WDFY4: variants seen among roughly 807,000 people sequenced by gnomAD.
WDFY4 encodes the protein WDFY family member 4.
In WDFY4, 169 loss-of-function variants were observed where a neutral mutation model predicts 351.9. That is an observed-to-expected ratio of 0.48 (90% CI 0.42 to 0.55). WDFY4 has a LOEUF of 0.55. Ranked by LOEUF, WDFY4 falls within the 20% of genes least tolerant of loss-of-function variation. The pLI is 0.00. For missense variants in WDFY4, 3,803 were observed against 3,935.6 expected (o/e 0.97, Z 0.90); for synonymous variants, 1,622 against 1,574.6 (o/e 1.03, Z -0.71).
At chr10:48,955,190 C>G (rs529521110) in intron 51 of WDFY4, among the ~76,000 whole-genome samples, 3 of 152,320 alleles carry the variant, frequency 2.0e-5, no homozygotes, top group African/African-American at 7.2e-5. Flanking sequence ...TTCGACACCC[C>G]ACCCCCATTT....
chr10:48,767,046 A>G (rs2065694177), intron 13 of WDFY4, among the ~76,000 whole-genome samples: 1 of 152,234 alleles, frequency 6.6e-6, no homozygotes, highest in African/African-American at 2.4e-5. Context: ...CCATCAATTT[A>G]TGACCCATAT....
At chr10:48,863,155 TA>T (rs2069404086) in intron 39 of WDFY4, among the ~76,000 whole-genome samples, 1 of 152,246 alleles carries the variant, frequency 6.6e-6, no homozygotes, top group Non-Finnish European at 1.5e-5. Context: ...AATATTGCTA[TA>T]AACATTCATG....
In WDFY4 at chr10:48,934,267, A is replaced by G. The variant is rs541506763; in HGVS notation, c.7587-7539A>G. On this transcript the variant is annotated intron_variant, in intron 47 of 61. Coordinates refer to ENST00000325239, the MANE Select transcript of WDFY4 (RefSeq NM_001394531.1). ...GCCCGACCCTTTGCAAAGCAAAGAC[A>G]CTACCTACTTTTTAGCACATTAAAA... is the stretch of plus-strand genomic sequence containing the variant. Among the ~76,000 whole-genome samples the G allele has an allele frequency of 4.6e-5, 7 of 152,318 alleles. No individual in the cohort carries two copies. In the East Asian group the frequency reaches 1.4e-3, roughly 29 times the overall value.
intron 39 of WDFY4, among the ~76,000 whole-genome samples, chr10:48,842,685 G>C (rs534883751): frequency 1.3e-5 from 2 of 152,308 alleles, no homozygotes; most frequent in South Asian, 4.1e-4. Flanking sequence ...CAGAAATGTT[G>C]GTTCTTGTTC....
chr10:48,747,450 T>C (rs976456430), intron 12 of WDFY4, among the ~76,000 whole-genome samples: 12 of 152,168 alleles, frequency 7.9e-5, no homozygotes, highest in African/African-American at 2.9e-4. Flanking sequence ...CCTTTTCCTA[T>C]TATGCCTTTT....
chr10:48,817,873 C>G (rs538158191), intron 32 of WDFY4, among the ~76,000 whole-genome samples: 1 of 152,288 alleles, frequency 6.6e-6, no homozygotes, highest in South Asian at 2.1e-4. Context: ...TTGCAGAGGC[C>G]CAGCTTAGAG....
At chr10:48,934,681 C>G (rs988130992) in intron 47 of WDFY4, among the ~76,000 whole-genome samples, 1 of 152,240 alleles carries the variant, frequency 6.6e-6, no homozygotes, top group Non-Finnish European at 1.5e-5. Flanking sequence ...AACCCCATTA[C>G]AGTAAGCGGT....
At chr10:48,777,182 C>T (rs539441130) in intron 16 of WDFY4, among the ~76,000 whole-genome samples, 198 bp downstream of exon 16, 9 of 152,212 alleles carry the variant, frequency 5.9e-5, no homozygotes, top group Non-Finnish European at 1.2e-4. Flanking sequence ...CCAAGACCCT[C>T]TTTTCCCTGG....
In WDFY4 at chr10:48,788,554, C is replaced by T. The variant is rs371790004; in HGVS notation, c.3833C>T (p.Thr1278Met). ...GGGGAGGACCTGGACAGTGAAGCCA[C>T]GCCCTTTGTTGCAGAAGAAAGAGTT... ...VQGEDLDSEA[T>M]PFVAEERVSF... Residue 1278 changes from threonine (T) to methionine (M), a missense_variant, in exon 21 of 62, where the codon ACG (threonine) becomes ATG (methionine). By Grantham distance (81) the Thr-to-Met change is moderately conservative. Transcript: ENST00000325239. 28 of 1,551,988 alleles carry T rather than the reference C, an allele frequency of 1.8e-5. No individual in the cohort carries two copies. The highest frequency in any genetic ancestry group is 1.7e-4 in the Middle Eastern group (1 of 6,014).
chr10:48,820,800 C>T (rs936832650), intron 33 of WDFY4, among the ~76,000 whole-genome samples: 6 of 152,124 alleles, frequency 3.9e-5, no homozygotes, highest in Non-Finnish European at 7.4e-5. Context: ...CTCCCAGGGC[C>T]GGCCCCACCT....
intron 60 of WDFY4, among the ~76,000 whole-genome samples, chr10:48,980,401 G>A (rs895215566): frequency 6.6e-6 from 1 of 152,150 alleles, no homozygotes; most frequent in African/African-American, 2.4e-5. Context: ...CCCCTCAAAT[G>A]TCTTAAGGGG....
At chr10:48,974,519 A>AAAAAAAAAAAAAAAAAAAAAAAAAAC (rs1352344126) in intron 57 of WDFY4, among the ~76,000 whole-genome samples, 30 of 49,960 alleles carry the variant, frequency 6.0e-4, no homozygotes, top group East Asian at 1.6e-3. Context: ...AAAAAAAAAA[A>AAAAAAAAAAAAAAAAAAAAAAAAAAC]AAAAAAAAAA....
chr10:48,840,472 C>CA (rs566307426), intron 39 of WDFY4, among the ~76,000 whole-genome samples: 123 of 151,534 alleles, frequency 8.1e-4, no homozygotes, highest in African/African-American at 2.8e-3. Flanking sequence ...CACACACACA[C>CA]CCCCACTCTC....
chr10:48,795,137 A>G (rs757161975), intron 23 of WDFY4, among the ~76,000 whole-genome samples: 2 of 152,094 alleles, frequency 1.3e-5, no homozygotes, highest in Non-Finnish European at 1.5e-5. Context: ...GACCAGGTAG[A>G]TCGGAGACTC....
chr10:48,690,342 T>G (rs1018565350), intron 1 of WDFY4, among the ~76,000 whole-genome samples: 19 of 152,222 alleles, frequency 1.2e-4, no homozygotes, highest in Non-Finnish European at 2.5e-4. Context: ...ATCAAATCAT[T>G]TTCACATTAA....
chr10:48,840,472 C>CAT (rs566307426), intron 39 of WDFY4, among the ~76,000 whole-genome samples: 15 of 151,420 alleles, frequency 9.9e-5, no homozygotes, highest in African/African-American at 3.6e-4. Flanking sequence ...CACACACACA[C>CAT]CCCCACTCTC....
chr10:48,770,473 C>A (rs1331702470), intron 13 of WDFY4, among the ~76,000 whole-genome samples: 3 of 152,308 alleles, frequency 2.0e-5, no homozygotes, highest in Admixed American at 6.5e-5. Context: ...TTGGTTCATA[C>A]AGACTGCATC....
chr10:48,861,321 T>G lies in WDFY4; in HGVS notation c.6664-5944T>G, dbSNP rs117628931. On this transcript the variant is annotated intron_variant, in intron 39 of 61. Coordinates refer to ENST00000325239, the MANE Select transcript of WDFY4 (RefSeq NM_001394531.1). Reference sequence around the variant, plus strand: ...TTCTTCCTGGTATTTCAAGATTCCTTCTTTTATCATTTACCTTCTGTTTAA... The same window carrying G: ...TTCTTCCTGGTATTTCAAGATTCCTGCTTTTATCATTTACCTTCTGTTTAA... 2.1e-3 allele frequency among the ~76,000 whole-genome samples: 324 copies of G among 152,318 alleles called. 1 individual carries two copies. The highest frequency in any genetic ancestry group is 4.1e-3 in the South Asian group (20 of 4,830).
At chr10:48,768,810 G>A (rs1344031078) in intron 13 of WDFY4, among the ~76,000 whole-genome samples, 1 of 151,982 alleles carries the variant, frequency 6.6e-6, no homozygotes, top group East Asian at 1.9e-4. Flanking sequence ...TGCTGGTTGG[G>A]AAAGTCAGAA....
Sources: allele counts gnomAD v4.1 joint callset (sites outside exome capture counted in the v4.1 genomes callset), GRCh38; gene constraint gnomAD v4.1.1; transcripts MANE v1.5; gene names NCBI Gene and HGNC (gene_info 2026-07-23, HGNC 2026-07-21).